Variants in DPYD observed in about 807,000 individuals in gnomAD.
DPYD encodes the protein dihydropyrimidine dehydrogenase [NADP(+)].
Under a neutral mutation model 116.2 loss-of-function variants are expected in DPYD, and 109 were observed. The ratio of observed to expected loss-of-function variants is 0.94; its 90% CI spans 0.80 to 1.10. The LOEUF (loss-of-function observed/expected upper bound fraction) is 1.10, where lower values mean the gene tolerates loss of function less well. Ranked by LOEUF, DPYD falls within the 50% of genes least tolerant of loss-of-function variation. DPYD has a pLI of 0.00. For missense variants in DPYD, 1,302 were observed against 1,254.5 expected (o/e 1.04, Z -0.57); for synonymous variants, 440 against 432.0 (o/e 1.02, Z -0.23).
At chr1:97,107,593 C>A (rs1379434649) in intron 20 of DPYD, among the ~76,000 whole-genome samples, 2 of 152,060 alleles carry the variant, frequency 1.3e-5, no homozygotes, top group Non-Finnish European at 2.9e-5. Flanking sequence ...ATACCAGACA[C>A]TTTGCAAAGC....
At chr1:97,576,137 AAT>A (rs1653245768) in intron 10 of DPYD, among the ~76,000 whole-genome samples, 2 of 152,162 alleles carry the variant, frequency 1.3e-5, no homozygotes, top group South Asian at 4.1e-4. Context: ...CAATATGTAA[AAT>A]ATGTTTTCTG....
At chr1:97,632,358 C>A (rs1297771147) in intron 8 of DPYD, among the ~76,000 whole-genome samples, 1 of 152,256 alleles carries the variant, frequency 6.6e-6, no homozygotes, top group East Asian at 1.9e-4. Context: ...CTAGAGCTAT[C>A]TACCATCCCC....
intron 20 of DPYD, among the ~76,000 whole-genome samples, chr1:97,144,182 C>A (rs537726711): frequency 6.6e-6 from 1 of 152,288 alleles, no homozygotes; most frequent in East Asian, 1.9e-4. Flanking sequence ...CAAATGGGTA[C>A]GCTTCCTTAA....
intron 13 of DPYD, among the ~76,000 whole-genome samples, chr1:97,495,984 T>TTTTCTTTTGA (rs1419478714): frequency 6.6e-6 from 1 of 152,130 alleles, no homozygotes; most frequent in African/African-American, 2.4e-5. Flanking sequence ...AGAATAAAAG[T>TTTTCTTTTGA]ACCTATTGAC....
In DPYD at chr1:97,162,033, C is replaced by T. The variant is rs533190380; in HGVS notation, c.2622+31036G>A. Among the ~76,000 whole-genome samples the T allele has an allele frequency of 2.2e-4, 33 of 151,852 alleles. 1 individual carries two copies. The highest frequency in any genetic ancestry group is 7.7e-4 in the African/African-American group (32 of 41,390). On this transcript the variant is annotated intron_variant, in intron 20 of 22. Coordinates refer to ENST00000370192, the MANE Select transcript of DPYD (RefSeq NM_000110.4). ...TGTGAATAGAGCCGCAATAAACATA[C>T]GTGTGCATGTGTCTTTATAGCAGCA...
chr1:97,085,593 T>G (rs1442002808), intron 21 of DPYD, among the ~76,000 whole-genome samples: 2 of 152,160 alleles, frequency 1.3e-5, no homozygotes, highest in Non-Finnish European at 2.9e-5. Context: ...GCAAAAAAAA[T>G]TATTCCATGT....
At position 97,233,828 on chromosome 1, in the gene DPYD, G is replaced by T. The variant is rs563054830; in HGVS notation, c.2442+1024C>A. Among the ~76,000 whole-genome samples the T allele has an allele frequency of 4.6e-5, 7 of 152,126 alleles. No individual in the cohort carries two copies. In the South Asian group the frequency reaches 1.2e-3, roughly 27 times the overall value. ...TTATATCATCAGTTTTACATATAAG[G>T]GTTTTTAGCTGTATACAGTGGGAGG... is the stretch of plus-strand genomic sequence containing the variant. On this transcript the variant is annotated intron_variant, in intron 19 of 22. Coordinates refer to ENST00000370192, the MANE Select transcript of DPYD (RefSeq NM_000110.4).
At chr1:97,735,604 C>T (rs924518348) in intron 4 of DPYD, among the ~76,000 whole-genome samples, 6 of 150,616 alleles carry the variant, frequency 4.0e-5, no homozygotes, top group Non-Finnish European at 8.9e-5. Flanking sequence ...AGGAGAATGG[C>T]GTGAACCCGG....
At chr1:97,276,637 T>C (rs892109767) in intron 18 of DPYD, among the ~76,000 whole-genome samples, 2 of 148,494 alleles carry the variant, frequency 1.3e-5, no homozygotes, top group Admixed American at 1.3e-4. Flanking sequence ...AGAATGGCTA[T>C]TAAGAAGTCA....
At chr1:97,901,545 A>G (rs922519708) in intron 1 of DPYD, among the ~76,000 whole-genome samples, 5 of 151,842 alleles carry the variant, frequency 3.3e-5, no homozygotes, top group Admixed American at 3.3e-4. Context: ...TAGGTTGTAA[A>G]GAGACAGAAA....
intron 16 of DPYD, among the ~76,000 whole-genome samples, chr1:97,306,822 C>A (rs1667202911): frequency 6.6e-6 from 1 of 151,864 alleles, no homozygotes; most frequent in Non-Finnish European, 1.5e-5. Flanking sequence ...ATAGTATATG[C>A]AAATATGGAA....
At chr1:97,584,260 TG>T (rs964476517) in intron 10 of DPYD, among the ~76,000 whole-genome samples, 103 of 152,206 alleles carry the variant, frequency 6.8e-4, no homozygotes, top group African/African-American at 2.3e-3. Context: ...TTGACGGGGT[TG>T]TTTTTTTCTT....
At chr1:97,627,247 C>A (rs1456290884) in intron 8 of DPYD, among the ~76,000 whole-genome samples, 3 of 152,066 alleles carry the variant, frequency 2.0e-5, no homozygotes, top group Non-Finnish European at 4.4e-5. Context: ...AGATGCAGAT[C>A]CAGGATTTGG....
intron 4 of DPYD, among the ~76,000 whole-genome samples, chr1:97,723,117 T>A (rs1331294890): frequency 2.6e-5 from 4 of 151,586 alleles, no homozygotes; most frequent in Non-Finnish European, 5.9e-5. Flanking sequence ...ATGAACATTT[T>A]AAAATAAAAG....
At chr1:97,339,459 T>C (rs1467315559) in intron 16 of DPYD, among the ~76,000 whole-genome samples, 3 of 152,196 alleles carry the variant, frequency 2.0e-5, no homozygotes, top group Non-Finnish European at 4.4e-5. Flanking sequence ...AAAAGAAAGA[T>C]TATGCGACTA....
intron 13 of DPYD, among the ~76,000 whole-genome samples, chr1:97,511,316 G>T (rs1416241817): frequency 1.3e-5 from 2 of 151,644 alleles, no homozygotes; most frequent in African/African-American, 4.8e-5. Flanking sequence ...CTGAATATAG[G>T]GTATCTAATA....
chr1:97,575,806 C>T (rs1022933167), intron 10 of DPYD, among the ~76,000 whole-genome samples: 1 of 152,062 alleles, frequency 6.6e-6, no homozygotes, highest in African/African-American at 2.4e-5. Context: ...TCTCATTAAT[C>T]GGTATGTGTG....
At chr1:97,285,591 T>A (rs1665620847) in intron 18 of DPYD, among the ~76,000 whole-genome samples, 1 of 152,044 alleles carries the variant, frequency 6.6e-6, no homozygotes, top group African/African-American at 2.4e-5. Context: ...AAAGTTTAAA[T>A]CCATATGTGA....
intron 12 of DPYD, among the ~76,000 whole-genome samples, chr1:97,527,535 T>C (rs147957305): frequency 7.7e-4 from 117 of 152,186 alleles, no homozygotes; most frequent in African/African-American, 2.4e-3. Flanking sequence ...CCATACCCTA[T>C]TCAAATATCA....
Sources: gnomAD v4.1 joint callset for allele counts (sites outside exome capture counted in the v4.1 genomes callset) on GRCh38, gnomAD v4.1.1 for gene constraint, MANE v1.5 for transcripts, NCBI Gene and HGNC (gene_info 2026-07-23, HGNC 2026-07-21) for gene names.